Variants in REEP1 observed in about 807,000 individuals in gnomAD.
REEP1 encodes receptor accessory protein 1, also known as receptor expression-enhancing protein 1.
Under a neutral mutation model 40.3 loss-of-function variants are expected in REEP1, and 22 were observed. The observed-to-expected ratio is 0.55, with a 90% CI of 0.39 to 0.78. REEP1 has a LOEUF of 0.78. Ranked by LOEUF, REEP1 falls within the 30% of genes least tolerant of loss-of-function variation. The pLI, the probability that REEP1 is intolerant of heterozygous loss-of-function variation, is 0.00. For missense variants in REEP1, 280 were observed against 361.1 expected (o/e 0.78, Z 1.82); for synonymous variants, 116 against 139.2 (o/e 0.83, Z 1.17).
chr2:86,264,094 G>T (rs1677016026), intron 2 of REEP1, 53 bp from the exon 3 acceptor site: 1 of 1,381,428 alleles, frequency 7.2e-7, no homozygotes, highest in Non-Finnish European at 1.0e-6. Flanking sequence ...GAAAAACACT[G>T]CCCAACACCA....
intron 1 of REEP1, among the ~76,000 whole-genome samples, chr2:86,300,114 C>T (rs1336720227): frequency 6.6e-6 from 1 of 152,214 alleles, no homozygotes; most frequent in Non-Finnish European, 1.5e-5. Context: ...TCTGCACATA[C>T]AGGAACTTGC....
At chr2:86,317,515 G>C (rs954735774) in intron 1 of REEP1, among the ~76,000 whole-genome samples, 5 of 152,138 alleles carry the variant, frequency 3.3e-5, no homozygotes, top group African/African-American at 1.2e-4. Context: ...ATATTACCAA[G>C]ACATTTGCCT....
At chr2:86,231,893 G>T (rs536096631) in intron 6 of REEP1, among the ~76,000 whole-genome samples, 1 of 152,176 alleles carries the variant, frequency 6.6e-6, no homozygotes, top group East Asian at 1.9e-4. Flanking sequence ...CACACTTCTG[G>T]GTCTCACCCC....
chr2:86,333,836 G>C (rs1680881999), intron 1 of REEP1, among the ~76,000 whole-genome samples: 1 of 152,244 alleles, frequency 6.6e-6, no homozygotes, highest in South Asian at 2.1e-4. Context: ...GTATCAACCT[G>C]GTTCTGAGTG....
chr2:86,267,076 G>C (rs1677189865), intron 2 of REEP1, among the ~76,000 whole-genome samples: 1 of 150,732 alleles, frequency 6.6e-6, no homozygotes, highest in Non-Finnish European at 1.5e-5. Flanking sequence ...TGAGAGAATT[G>C]CTTGAGGCCA....
In REEP1 at chr2:86,234,670, T is replaced by G. The variant is rs1445681698; in HGVS notation, c.418-1868A>C. On this transcript the variant is annotated intron_variant, in intron 5 of 8. Transcript: ENST00000538924. Reference sequence around the variant, plus strand: ...AAAGAAAACTATTTAAAAAGAATTGTAAGTCCAGGCCAAGAAGTATTTGGA... The same window carrying G: ...AAAGAAAACTATTTAAAAAGAATTGGAAGTCCAGGCCAAGAAGTATTTGGA... Among the ~76,000 whole-genome samples the G allele has an allele frequency of 2.0e-5, 3 of 152,158 alleles. No homozygotes were observed. The East Asian group carries it at 5.8e-4, about 29-fold the overall frequency.
At chr2:86,312,887 A>T (rs1274275897) in intron 1 of REEP1, among the ~76,000 whole-genome samples, 2 of 152,206 alleles carry the variant, frequency 1.3e-5, no homozygotes, top group Non-Finnish European at 1.5e-5. Context: ...CAAGGCACAG[A>T]TCCTGTGTTC....
At chr2:86,244,965 C>T (rs984525248) in intron 5 of REEP1, among the ~76,000 whole-genome samples, 17 of 152,180 alleles carry the variant, frequency 1.1e-4, no homozygotes, top group Non-Finnish European at 1.5e-4. Flanking sequence ...GCCAACATGG[C>T]GAAACCCTGT....
At chr2:86,327,717 G>A (rs1159713954) in intron 1 of REEP1, among the ~76,000 whole-genome samples, 2 of 151,950 alleles carry the variant, frequency 1.3e-5, no homozygotes, top group Non-Finnish European at 2.9e-5. Flanking sequence ...ACAGGCACCC[G>A]CCTCCACATC....
At chr2:86,330,543 C>G (rs994469320) in intron 1 of REEP1, among the ~76,000 whole-genome samples, 1 of 151,896 alleles carries the variant, frequency 6.6e-6, no homozygotes, top group Non-Finnish European at 1.5e-5. Flanking sequence ...CTCCCAGGCT[C>G]AAGTGATCCT....
At chr2:86,324,710 T>A (rs1012672515) in intron 1 of REEP1, among the ~76,000 whole-genome samples, 1 of 152,104 alleles carries the variant, frequency 6.6e-6, no homozygotes, top group South Asian at 2.1e-4. Flanking sequence ...GGCCCCCTTT[T>A]CTATGGAAAC....
chr2:86,250,935 A>G (rs1313800568), intron 5 of REEP1, among the ~76,000 whole-genome samples: 3 of 152,194 alleles, frequency 2.0e-5, no homozygotes, highest in Non-Finnish European at 4.4e-5. Flanking sequence ...CAATGTTCAT[A>G]GAGCACCAAG....
At chr2:86,294,764 T>TAGATAGAC (rs1678894976) in intron 1 of REEP1, among the ~76,000 whole-genome samples, 1 of 152,170 alleles carries the variant, frequency 6.6e-6, no homozygotes, top group South Asian at 2.1e-4. Context: ...GATAGATAGA[T>TAGATAGAC]AGATAGGTTT....
chr2:86,330,989 C>T (rs1263494243), intron 1 of REEP1, among the ~76,000 whole-genome samples: 1 of 152,122 alleles, frequency 6.6e-6, no homozygotes, highest in African/African-American at 2.4e-5. Context: ...TCTAGGATAT[C>T]GGACAGTTCA....
rs192061674 is a variant in REEP1, at chr2:86,310,439, T to C, written c.32+27040A>G. Among the ~76,000 whole-genome samples the C allele has an allele frequency of 4.6e-5, 7 of 152,308 alleles. No individual in the cohort carries two copies. The East Asian group carries it at 9.6e-4, about 21-fold the overall frequency. ...AATAGGCCATACCATGTAGCCTAGA[T>C]GGGTAGCAGGCGGTACCACCTAGGT... On this transcript the variant is annotated intron_variant, in intron 1 of 8. Coordinates refer to ENST00000538924, the MANE Select transcript of REEP1 (RefSeq NM_001371279.1).
intron 3 of REEP1, among the ~76,000 whole-genome samples, chr2:86,259,096 A>G (rs2104276079): frequency 6.6e-6 from 1 of 152,218 alleles, no homozygotes; most frequent in East Asian, 1.9e-4. Context: ...TCACAAGTTC[A>G]GGAGATCGAG....
intron 2 of REEP1, among the ~76,000 whole-genome samples, chr2:86,266,447 G>A (rs1392065671): frequency 1.3e-5 from 2 of 150,074 alleles, no homozygotes; most frequent in African/African-American, 2.4e-5. Flanking sequence ...GTGAAACCCC[G>A]TCTCTACTAA....
At chr2:86,248,591 T>C (rs1337134774) in intron 5 of REEP1, among the ~76,000 whole-genome samples, 2 of 152,032 alleles carry the variant, frequency 1.3e-5, no homozygotes, top group East Asian at 1.9e-4. Context: ...GCTGGGACTA[T>C]AGGCACATGC....
At chr2:86,235,233 C>G (rs1675251841) in intron 5 of REEP1, among the ~76,000 whole-genome samples, 1 of 152,200 alleles carries the variant, frequency 6.6e-6, no homozygotes, top group African/African-American at 2.4e-5. Flanking sequence ...CTAGCAGAAG[C>G]TACAGAAAGT....
Sources: gnomAD v4.1 joint callset for allele counts (sites outside exome capture counted in the v4.1 genomes callset) on GRCh38, gnomAD v4.1.1 for gene constraint, MANE v1.5 for transcripts, NCBI Gene and HGNC (gene_info 2026-07-23, HGNC 2026-07-21) for gene names.